Variants in OPCML observed in about 807,000 individuals in gnomAD.
The protein encoded by OPCML is opioid binding protein/cell adhesion molecule like, also known as opioid-binding protein/cell adhesion molecule.
Under a neutral mutation model 37.8 loss-of-function variants are expected in OPCML, and 13 were observed. That is an observed-to-expected ratio of 0.34 (90% CI 0.22 to 0.55). The LOEUF is 0.55. Among genes scored for constraint, OPCML ranks in the 20% least tolerant of loss-of-function variants. The pLI, the probability that OPCML is intolerant of heterozygous loss-of-function variation, is 0.91. For synonymous variants in OPCML, 176 were observed against 168.8 expected, an observed-to-expected ratio of 1.04 and a Z score of -0.33; for missense variants, 341 against 435.6, an observed-to-expected ratio of 0.78 and a Z score of 1.93.
At position 133,458,555 on chromosome 11, in the gene OPCML, GTGTA is replaced by G. The variant is rs569570896; in HGVS notation, c.61+73705_61+73708del. 5.6e-4 allele frequency among the ~76,000 whole-genome samples: 61 copies of G among 108,126 alleles called. 5 individuals are homozygous for G. Among genetic ancestry groups the G allele is most frequent in the Admixed American group, 1.1e-3 (14 of 12,312 alleles). 70.9% of individuals were successfully genotyped at this position (108,126 alleles called of 152,430 possible). A position where few individuals can be genotyped will look rare whatever the true frequency, so the allele number is the denominator to read the frequency against. On this transcript the variant is annotated intron_variant, in intron 1 of 7. Transcript: ENST00000524381. ...TGTATACACATATATACACGTGTGT[GTGTA>G]TACACATATATACACGTGTGTGTAC...
intron 1 of OPCML, among the ~76,000 whole-genome samples, chr11:133,401,275 C>T (rs961242363): frequency 6.6e-6 from 1 of 152,028 alleles, no homozygotes; most frequent in Non-Finnish European, 1.5e-5. Context: ...ATTATTCAGA[C>T]CACTATAAAG....
chr11:132,424,866 T>C (rs2136671005), intron 7 of OPCML, among the ~76,000 whole-genome samples: 1 of 152,232 alleles, frequency 6.6e-6, no homozygotes, highest in South Asian at 2.1e-4. Context: ...TACTAGCTTG[T>C]TTAGATAGTT....
intron 4 of OPCML, among the ~76,000 whole-genome samples, chr11:132,518,215 C>T (rs2096284416): frequency 6.6e-6 from 1 of 152,152 alleles, no homozygotes; most frequent in South Asian, 2.1e-4. Flanking sequence ...TATCTTGATG[C>T]TCTCCCTCCC....
intron 1 of OPCML, among the ~76,000 whole-genome samples, chr11:133,210,722 G>T (rs547616631): frequency 6.6e-6 from 1 of 152,062 alleles, no homozygotes; most frequent in Non-Finnish European, 1.5e-5. Context: ...GTGGAATGAA[G>T]CTCTTTTCTA....
At chr11:133,066,318 A>G (rs545541404) in intron 1 of OPCML, 75 of 152,362 alleles carry the variant, frequency 4.9e-4, no homozygotes, top group African/African-American at 1.7e-3. Context: ...AGAGTAATGG[A>G]CCAGCAATGC....
At chr11:132,888,501 C>CG (rs1157116885) in intron 2 of OPCML, among the ~76,000 whole-genome samples, 1 of 152,106 alleles carries the variant, frequency 6.6e-6, no homozygotes, top group African/African-American at 2.4e-5. Context: ...AGTTTCTCCC[C>CG]CCACGCATCT....
At position 132,863,321 on chromosome 11, in the gene OPCML, G is replaced by C. The variant is rs148309674; in HGVS notation, c.146+79605C>G. ...GGGAGCTTTTGACGTAGGAGGACAT[G>C]ACCAAATAAACATATTCAGCTGAAA... On this transcript the variant is annotated intron_variant, in intron 2 of 7. Transcript: ENST00000524381. Among the ~76,000 whole-genome samples the C allele has an allele frequency of 7.0e-4, 107 of 152,324 alleles. 1 individual carries two copies. The highest frequency in any genetic ancestry group is 2.5e-3 in the African/African-American group (103 of 41,582).
At chr11:132,637,376 C>T (rs559574118) in intron 3 of OPCML, among the ~76,000 whole-genome samples, 18 of 152,242 alleles carry the variant, frequency 1.2e-4, no homozygotes, top group African/African-American at 3.9e-4. Context: ...GAATCGTACG[C>T]TAGCCTTTCT....
chr11:133,182,493 A>C (rs1326208986), intron 1 of OPCML, among the ~76,000 whole-genome samples: 1 of 152,206 alleles, frequency 6.6e-6, no homozygotes, highest in East Asian at 1.9e-4. Flanking sequence ...CAGGAAAAAA[A>C]GGAAGAGACA....
intron 2 of OPCML, among the ~76,000 whole-genome samples, chr11:132,761,305 A>G (rs898536659): frequency 2.2e-4 from 31 of 141,556 alleles, no homozygotes; most frequent in Non-Finnish European, 9.0e-5. Context: ...CTCCTCAAGG[A>G]GTATCTTTGT....
chr11:132,995,664 G>A lies in OPCML; in HGVS notation c.62-52654C>T, dbSNP rs190586905. The stretch of plus-strand genomic sequence containing the variant: ...AAGACCCCTAGAAGAGTGGGTCTAG[G>A]GGTCAGGCAAGTTCTTGGTCCCAAT... On this transcript the variant is annotated intron_variant, in intron 1 of 7. Transcript: ENST00000524381. Among the ~76,000 whole-genome samples the A allele has an allele frequency of 1.8e-3, 274 of 152,246 alleles. 1 individual carries two copies. The highest frequency in any genetic ancestry group is 6.1e-3 in the African/African-American group (253 of 41,552).
chr11:132,503,765 A>T (rs1000827597), intron 4 of OPCML, among the ~76,000 whole-genome samples: 2 of 152,162 alleles, frequency 1.3e-5, no homozygotes, highest in African/African-American at 4.8e-5. Context: ...TCAGAAATTT[A>T]GCCAATGCAA....
chr11:132,907,310 T>C (rs1027621816), intron 2 of OPCML, among the ~76,000 whole-genome samples: 1 of 152,120 alleles, frequency 6.6e-6, no homozygotes, highest in African/African-American at 2.4e-5. Flanking sequence ...TGCTGTTACC[T>C]TTTCCAGGAA....
At chr11:133,012,271 G>A (rs921218986) in intron 1 of OPCML, among the ~76,000 whole-genome samples, 2 of 152,108 alleles carry the variant, frequency 1.3e-5, no homozygotes, top group Non-Finnish European at 2.9e-5. Context: ...GTCAAGGTCG[G>A]GAAAACCTGG....
At chr11:133,081,905 G>A (rs1055678679) in intron 1 of OPCML, among the ~76,000 whole-genome samples, 2 of 152,040 alleles carry the variant, frequency 1.3e-5, no homozygotes, top group Non-Finnish European at 2.9e-5. Flanking sequence ...GTGCTGTGAG[G>A]CCCTTTCTCT....
chr11:133,135,644 A>G (rs1427598833), intron 1 of OPCML, among the ~76,000 whole-genome samples: 2 of 152,112 alleles, frequency 1.3e-5, no homozygotes. Context: ...CTCCATAACA[A>G]TTTAGAGTAG....
rs890391454 is a variant in OPCML at position 132,594,749 on chromosome 11, C to A, written c.379+62338G>T. Among the ~76,000 whole-genome samples, 4 of 152,212 alleles carry A rather than the reference C, an allele frequency of 2.6e-5. No homozygotes were observed. The East Asian group carries it at 7.7e-4, about 29-fold the overall frequency. ...CCATGTCCAAAATAGGTATGAAAAT[C>A]TAAGCTGGTCAAATCTGGGGAAAAT... is the stretch of plus-strand genomic sequence containing the variant. On this transcript the variant is annotated intron_variant, in intron 3 of 7. Transcript: ENST00000524381.
At chr11:132,540,207 C>T (rs1052356356) in intron 3 of OPCML, among the ~76,000 whole-genome samples, 8 of 152,208 alleles carry the variant, frequency 5.3e-5, no homozygotes, top group Non-Finnish European at 4.4e-5. Context: ...TGGTGAATGG[C>T]AGGATATGTG....
At chr11:132,870,897 G>A (rs192378437) in intron 2 of OPCML, among the ~76,000 whole-genome samples, 7 of 152,292 alleles carry the variant, frequency 4.6e-5, no homozygotes, top group Non-Finnish European at 1.5e-5. Flanking sequence ...GTTACTAGGG[G>A]TAAGGAGGTG....
Sources: gnomAD v4.1 joint callset for allele counts (sites outside exome capture counted in the v4.1 genomes callset) on GRCh38, gnomAD v4.1.1 for gene constraint, MANE v1.5 for transcripts, NCBI Gene and HGNC (gene_info 2026-07-23, HGNC 2026-07-21) for gene names.